The following UHRF2 variants were observed in gnomAD, a reference collection of about 807,000 sequenced individuals.
The protein encoded by UHRF2 is E3 ubiquitin-protein ligase UHRF2.
In UHRF2, 23 loss-of-function variants were observed where a neutral mutation model predicts 96.8. The ratio of observed to expected loss-of-function variants is 0.24; its 90% CI spans 0.17 to 0.34. UHRF2 has a LOEUF of 0.34. Ranked by LOEUF, UHRF2 falls within the 10% of genes least tolerant of loss-of-function variation. The pLI, the probability that UHRF2 is intolerant of heterozygous loss-of-function variation, is 1.00. For missense variants in UHRF2, 685 were observed against 981.5 expected (o/e 0.70, Z 4.04); for synonymous variants, 385 against 332.6 (o/e 1.16, Z -1.72).
At chr9:6,434,908 G>A (rs565056338) in intron 3 of UHRF2, among the ~76,000 whole-genome samples, 10 of 152,008 alleles carry the variant, frequency 6.6e-5, no homozygotes, top group African/African-American at 2.4e-4. Flanking sequence ...CTGGCTCGCT[G>A]CAATCTCCGC....
chr9:6,477,936 T>G, intron 6 of UHRF2, 128 bp downstream of exon 6: 1 of 751,912 alleles, frequency 1.3e-6, no homozygotes, highest in African/African-American at 1.8e-5. Flanking sequence ...GGCCAGTGGT[T>G]ACTTAGCATT....
intron 6 of UHRF2, among the ~76,000 whole-genome samples, chr9:6,480,436 A>G (rs541415818): frequency 2.6e-5 from 4 of 152,218 alleles, no homozygotes; most frequent in Non-Finnish European, 4.4e-5. Flanking sequence ...GAAGGAGTGA[A>G]TCAATCCCAG....
intron 4 of UHRF2, among the ~76,000 whole-genome samples, chr9:6,461,134 A>T (rs895056727): frequency 2.0e-5 from 3 of 152,170 alleles, no homozygotes; most frequent in Admixed American, 1.3e-4. Context: ...ATCTGTGTTG[A>T]TGTAATAGCA....
chr9:6,431,948 T>G (rs1820582177), intron 2 of UHRF2, among the ~76,000 whole-genome samples: 1 of 152,228 alleles, frequency 6.6e-6, no homozygotes, highest in African/African-American at 2.4e-5. Context: ...ACATTTTGAT[T>G]TGCTGCGACA....
At chr9:6,485,890 G>A (rs1393633048) in intron 8 of UHRF2, among the ~76,000 whole-genome samples, 1 of 148,538 alleles carries the variant, frequency 6.7e-6, no homozygotes, top group Non-Finnish European at 1.5e-5. Context: ...CAGGGAGTTT[G>A]AAGTTCACAA....
chr9:6,469,334 A>G (rs1377144576), intron 4 of UHRF2, among the ~76,000 whole-genome samples: 2 of 152,110 alleles, frequency 1.3e-5, no homozygotes, highest in East Asian at 1.9e-4. Context: ...CCTGGCCAAC[A>G]TAGTGAAACC....
intron 9 of UHRF2, 47 bp from the exon 10 acceptor site, chr9:6,493,779 T>G (rs1309201833): frequency 2.0e-6 from 3 of 1,486,902 alleles, no homozygotes; most frequent in Non-Finnish European, 2.8e-6. Context: ...ATTGATGAAA[T>G]TATACTTGGG....
intron 4 of UHRF2, among the ~76,000 whole-genome samples, chr9:6,472,171 C>G (rs909022593): frequency 1.3e-5 from 2 of 152,174 alleles, no homozygotes; most frequent in African/African-American, 4.8e-5. Context: ...CAGACCACCA[C>G]TGATTGGCCT....
Position 6,445,981 on chromosome 9 carries a change from C to CTTT in UHRF2, c.644+11825_644+11827dup, listed in dbSNP as rs57147850. Among the ~76,000 whole-genome samples the CTTT allele has an allele frequency of 1.1e-4, 9 of 78,904 alleles. 1 individual carries two copies. Among genetic ancestry groups the CTTT allele is most frequent in the African/African-American group, 2.6e-4 (5 of 19,056 alleles). 51.8% of individuals were successfully genotyped at this position (78,904 alleles called of 152,430 possible). A position where few individuals can be genotyped will look rare whatever the true frequency, so the allele number is the denominator to read the frequency against. On this transcript the variant is annotated intron_variant, in intron 3 of 15. Transcript: ENST00000276893. Reference sequence around the variant, plus strand: ...TAAATACTCTTCCCCCCCCGCCACCCTTTTTTTTTTTTTTTTTTTCCTGTT... The same window carrying CTTT: ...TAAATACTCTTCCCCCCCCGCCACCCTTTTTTTTTTTTTTTTTTTTTTCCTGTT...
rs2130985751 is a variant in UHRF2, at chr9:6,506,854, A to G, written c.*675A>G. 1 of 152,734 alleles carries G rather than the reference A, an allele frequency of 6.5e-6. No homozygotes were observed. Among genetic ancestry groups the G allele is most frequent in the South Asian group, 2.1e-4 (1 of 4,828 alleles). 9.5% of individuals were successfully genotyped at this position (152,734 alleles called of 1,614,324 possible). On this transcript the variant is annotated 3_prime_UTR_variant, in exon 16 of 16. Transcript: ENST00000276893. ...CTTAAAAGAGGTATTCATATGCTCT[A>G]GTTGTAAATGTTCATGAAAATCCAC...
At chr9:6,464,110 T>C (rs1397548173) in intron 4 of UHRF2, among the ~76,000 whole-genome samples, 1 of 152,232 alleles carries the variant, frequency 6.6e-6, no homozygotes, top group African/African-American at 2.4e-5. Flanking sequence ...CTTAGTTTTT[T>C]CAGACTTCAG....
intron 2 of UHRF2, among the ~76,000 whole-genome samples, chr9:6,433,424 CTTT>C (rs770650329): frequency 2.6e-5 from 4 of 151,874 alleles, no homozygotes; most frequent in African/African-American, 9.7e-5. Context: ...TCATTAGACT[CTTT>C]TTTTTATTGT....
chr9:6,504,441 G>T (rs1816477757), intron 14 of UHRF2, 152 bp from the exon 15 acceptor site: 3 of 533,698 alleles, frequency 5.6e-6, no homozygotes, highest in African/African-American at 1.9e-5. Context: ...ATAAATCAGG[G>T]TAATTGGAAT....
intron 9 of UHRF2, chr9:6,492,737 ACTTTT>A (rs776256753): frequency 6.6e-6 from 1 of 151,672 alleles, no homozygotes; most frequent in African/African-American, 2.4e-5. Flanking sequence ...ACTGATAGTT[ACTTTT>A]CTTAATTTGT....
At chr9:6,491,040 CT>C (rs755076483) in intron 9 of UHRF2, among the ~76,000 whole-genome samples, 4 of 152,212 alleles carry the variant, frequency 2.6e-5, no homozygotes, top group African/African-American at 4.8e-5. Flanking sequence ...ATGTAATACT[CT>C]TGCGTACCTG....
intron 6 of UHRF2, among the ~76,000 whole-genome samples, chr9:6,481,098 T>G (rs998289669): frequency 2.0e-5 from 3 of 152,188 alleles, no homozygotes; most frequent in Admixed American, 2.0e-4. Flanking sequence ...AAATACAAGT[T>G]ACAGTAGGGT....
At chr9:6,496,759 T>A (rs1419221852) in intron 10 of UHRF2, 2 of 153,606 alleles carry the variant, frequency 1.3e-5, no homozygotes, top group Admixed American at 6.5e-5. Context: ...TGTACCTTGC[T>A]GACAAATTTA....
chr9:6,440,385 T>C (rs537475793), intron 3 of UHRF2, among the ~76,000 whole-genome samples: 1 of 152,172 alleles, frequency 6.6e-6, no homozygotes, highest in Non-Finnish European at 1.5e-5. Flanking sequence ...ATTAATTATA[T>C]AATTAGCCAA....
At chr9:6,417,373 A>G (rs1041412812) in intron 1 of UHRF2, among the ~76,000 whole-genome samples, 1 of 152,182 alleles carries the variant, frequency 6.6e-6, no homozygotes, top group African/African-American at 2.4e-5. Context: ...TGAGACATTG[A>G]TGGACCTAAG....
Sources: allele counts gnomAD v4.1 joint callset (sites outside exome capture counted in the v4.1 genomes callset), GRCh38; gene constraint gnomAD v4.1.1; transcripts MANE v1.5; gene names NCBI Gene and HGNC (gene_info 2026-07-23, HGNC 2026-07-21).